The following IGF2BP2 variants were observed in gnomAD, a reference collection of about 807,000 sequenced individuals.
IGF2BP2 encodes insulin-like growth factor 2 mRNA-binding protein 2.
A neutral mutation model predicts 75.8 loss-of-function variants in IGF2BP2; 17 were observed. That is an observed-to-expected ratio of 0.22 (90% confidence interval 0.15 to 0.34). The LOEUF (loss-of-function observed/expected upper bound fraction) is 0.34, where lower values mean the gene tolerates loss of function less well. Ranked by LOEUF, IGF2BP2 falls within the 10% of genes least tolerant of loss-of-function variation. The pLI is 1.00. For synonymous variants in IGF2BP2, 288 were observed against 295.6 expected (o/e 0.97, Z 0.26); for missense variants, 516 against 772.4 (o/e 0.67, Z 3.93).
intron 2 of IGF2BP2, among the ~76,000 whole-genome samples, chr3:185,764,002 G>A (rs1732727477): frequency 6.6e-6 from 1 of 152,032 alleles, no homozygotes; most frequent in Admixed American, 6.6e-5. Context: ...AAGAGGGTGA[G>A]GTCAGAAGGA....
At chr3:185,741,499 G>T (rs1416177136) in intron 2 of IGF2BP2, among the ~76,000 whole-genome samples, 2 of 152,160 alleles carry the variant, frequency 1.3e-5, no homozygotes, top group Non-Finnish European at 2.9e-5. Context: ...GAATGAATGG[G>T]TATCAGTGGT....
chr3:185,818,008 CTT>C (rs1428075164), intron 2 of IGF2BP2, among the ~76,000 whole-genome samples: 1 of 152,078 alleles, frequency 6.6e-6, no homozygotes, highest in Admixed American at 6.6e-5. Flanking sequence ...ACACTGAAGA[CTT>C]TTGTGATGTT....
rs1441678645 is a variant in IGF2BP2 at position 185,665,438 on chromosome 3, A to AG, written c.1201-7030dup. ...GAGGAGAAGGAGAAGGAGGAGGAGG[A>AG]GAAGGAGGAGGAGGAGGAGAAGAAG... On this transcript the variant is annotated intron_variant, in intron 10 of 15. Transcript: ENST00000382199. Among the ~76,000 whole-genome samples, 19 of 129,964 alleles carry AG rather than the reference A, an allele frequency of 1.5e-4. 2 individuals carry two copies. The highest frequency in any genetic ancestry group is 2.5e-4 in the Non-Finnish European group (15 of 59,000). 85.3% of individuals were successfully genotyped at this position (129,964 alleles called of 152,430 possible). A position where few individuals can be genotyped will look rare whatever the true frequency, so the allele number is the denominator to read the frequency against.
chr3:185,667,586 A>G (rs969139461), intron 10 of IGF2BP2, among the ~76,000 whole-genome samples: 1 of 152,242 alleles, frequency 6.6e-6, no homozygotes, highest in Non-Finnish European at 1.5e-5. Flanking sequence ...CCAAAGGAAA[A>G]TATCAATTAT....
chr3:185,667,581 G>A (rs1038508072), intron 10 of IGF2BP2, among the ~76,000 whole-genome samples: 1 of 152,134 alleles, frequency 6.6e-6, no homozygotes, highest in Middle Eastern at 3.2e-3. Flanking sequence ...AAACTCCAAA[G>A]GAAAATATCA....
intron 12 of IGF2BP2, among the ~76,000 whole-genome samples, chr3:185,656,635 C>T (rs904150877): frequency 1.3e-5 from 2 of 152,210 alleles, no homozygotes; most frequent in African/African-American, 4.8e-5. Flanking sequence ...TGAGTCAGAG[C>T]TGATAGCTGG....
At chr3:185,775,310 A>C (rs1734407887) in intron 2 of IGF2BP2, among the ~76,000 whole-genome samples, 2 of 152,188 alleles carry the variant, frequency 1.3e-5, no homozygotes, top group African/African-American at 4.8e-5. Context: ...TTGTTCCAAG[A>C]ATTGCAGTGC....
intron 14 of IGF2BP2, 113 bp downstream of exon 14, chr3:185,649,290 G>C (rs1202292653): frequency 2.9e-6 from 4 of 1,384,072 alleles, no homozygotes; most frequent in Non-Finnish European, 4.0e-6. Context: ...ATCTGCCAAA[G>C]ACCCTGACTG....
Position 185,794,277 on chromosome 3 carries a change from C to A in IGF2BP2, c.239+28876G>T, listed in dbSNP as rs1560480505. Reference sequence around the variant, plus strand: ...CACCACACCTGGCCCAGAGCAGATCCTAGAGACCCGGGCTGCCCTCATATC... The same window carrying A: ...CACCACACCTGGCCCAGAGCAGATCATAGAGACCCGGGCTGCCCTCATATC... On this transcript the variant is annotated intron_variant, in intron 2 of 15. Coordinates refer to ENST00000382199, the MANE Select transcript of IGF2BP2 (RefSeq NM_006548.6). Among the ~76,000 whole-genome samples, 3 of 132,948 alleles carry A rather than the reference C, an allele frequency of 2.3e-5. 1 individual carries two copies. Among genetic ancestry groups the A allele is most frequent in the Admixed American group, 7.0e-5 (1 of 14,216 alleles). The allele number at this position is 132,948 out of a possible 152,430, so 87.2% of individuals were successfully genotyped here. A position where few individuals can be genotyped will look rare whatever the true frequency, so the allele number is the denominator to read the frequency against.
intron 2 of IGF2BP2, among the ~76,000 whole-genome samples, chr3:185,791,347 T>A (rs929382211): frequency 6.6e-6 from 1 of 152,242 alleles, no homozygotes; most frequent in African/African-American, 2.4e-5. Flanking sequence ...CCCAGCTACT[T>A]GGGAGGCTGA....
chr3:185,709,061 C>T (rs146252700), intron 2 of IGF2BP2, among the ~76,000 whole-genome samples: 13 of 152,204 alleles, frequency 8.5e-5, no homozygotes, highest in African/African-American at 2.2e-4. Flanking sequence ...TTAAGACTAA[C>T]GAGGGTAAAA....
At chr3:185,797,911 A>AAAG (rs1270238188) in intron 2 of IGF2BP2, among the ~76,000 whole-genome samples, 3 of 149,362 alleles carry the variant, frequency 2.0e-5, no homozygotes, top group African/African-American at 7.4e-5. Context: ...AAAAAAAAAA[A>AAAG]AAAAAAAAAG....
chr3:185,765,840 T>C (rs1732963389), intron 2 of IGF2BP2, among the ~76,000 whole-genome samples: 1 of 152,190 alleles, frequency 6.6e-6, no homozygotes, highest in Admixed American at 6.5e-5. Flanking sequence ...GATATTATAA[T>C]GGTAACAAGA....
intron 2 of IGF2BP2, among the ~76,000 whole-genome samples, chr3:185,755,709 G>C (rs1731530323): frequency 6.6e-6 from 1 of 152,212 alleles, no homozygotes; most frequent in Non-Finnish European, 1.5e-5. Context: ...CTGCTCTACT[G>C]GGTTTCAGAC....
At chr3:185,706,109 T>G (rs771035970) in intron 2 of IGF2BP2, among the ~76,000 whole-genome samples, 4 of 152,216 alleles carry the variant, frequency 2.6e-5, no homozygotes, top group African/African-American at 7.2e-5. Flanking sequence ...TGGCTCACAC[T>G]TGTAATCCCA....
At chr3:185,699,669 T>A (rs1054145769) in intron 2 of IGF2BP2, among the ~76,000 whole-genome samples, 1 of 152,206 alleles carries the variant, frequency 6.6e-6, no homozygotes, top group African/African-American at 2.4e-5. Flanking sequence ...ATTCTACACA[T>A]TCTCTGCATC....
chr3:185,787,768 G>C (rs888641528), intron 2 of IGF2BP2, among the ~76,000 whole-genome samples: 1 of 151,926 alleles, frequency 6.6e-6, no homozygotes, highest in Non-Finnish European at 1.5e-5. Flanking sequence ...TTACAAAGCT[G>C]CAAGTGGAGT....
At chr3:185,700,314 A>AC (rs1723117937) in intron 2 of IGF2BP2, among the ~76,000 whole-genome samples, 2 of 152,196 alleles carry the variant, frequency 1.3e-5, no homozygotes, top group African/African-American at 4.8e-5. Flanking sequence ...CACAGGGGCA[A>AC]CCCCACCATT....
chr3:185,814,891 G>T (rs1740400582), intron 2 of IGF2BP2, among the ~76,000 whole-genome samples: 1 of 151,998 alleles, frequency 6.6e-6, no homozygotes, highest in African/African-American at 2.4e-5. Flanking sequence ...TTAATAAGGT[G>T]AACCATTTTC....
Sources: allele counts gnomAD v4.1 joint callset (sites outside exome capture counted in the v4.1 genomes callset), GRCh38; gene constraint gnomAD v4.1.1; transcripts MANE v1.5; gene names NCBI Gene and HGNC (gene_info 2026-07-23, HGNC 2026-07-21).